Variants in U2SURP observed in about 807,000 individuals in gnomAD.
The protein encoded by U2SURP is U2 snRNP-associated SURP motif-containing protein.
In U2SURP, 9 loss-of-function variants were observed where a neutral mutation model predicts 144.9. The ratio of observed to expected loss-of-function variants is 0.06; its 90% CI spans 0.04 to 0.11. The LOEUF is 0.11. U2SURP is among the 10% of genes least tolerant of loss of function. The probability of loss-of-function intolerance (pLI) is 1.00; values close to 1 mark genes in which losing one functional copy is unlikely to be tolerated. For missense variants in U2SURP, 724 were observed against 1,226.7 expected (o/e 0.59, Z 6.12); for synonymous variants, 408 against 396.8 (o/e 1.03, Z -0.33).
Position 143,001,646 on chromosome 3 carries a change from A to G in U2SURP, c.18A>G (p.Pro6=). The G allele has an allele frequency of 1.2e-6, 2 of 1,614,052 alleles. No individual in the cohort carries two copies. The highest frequency in any genetic ancestry group is 1.7e-6 in the Non-Finnish European group (2 of 1,179,894). MADKT[P]GGSQKASSKT... ...AGCTCAAGATGGCGGACAAAACGCC[A>G]GGCGGATCTCAGAAGGCCAGTTCAA... Residue 6 remains proline, a synonymous_variant, in exon 1 of 28, where the codon CCA becomes CCG. Coordinates refer to ENST00000473835, the MANE Select transcript of U2SURP (RefSeq NM_001080415.2).
Position 143,030,932 on chromosome 3 carries a change from T to C in U2SURP, c.1611-1852T>C, listed in dbSNP as rs562064069. ...AAAAATCCGTTTCAGTTTTTTTGCC[T>C]ATAAAAATCGACATTAACAGGAGCT... On this transcript the variant is annotated intron_variant, in intron 16 of 27. Coordinates refer to ENST00000473835, the MANE Select transcript of U2SURP (RefSeq NM_001080415.2). Among the ~76,000 whole-genome samples, 6 of 152,314 alleles carry C rather than the reference T, an allele frequency of 3.9e-5. No individual in the cohort carries two copies. The East Asian group carries it at 1.2e-3, about 29-fold the overall frequency.
chr3:143,033,928 T>C (rs1461033865), intron 18 of U2SURP, among the ~76,000 whole-genome samples: 1 of 152,246 alleles, frequency 6.6e-6, no homozygotes, highest in Non-Finnish European at 1.5e-5. Context: ...AAGAGAACTT[T>C]ATTGCATATC....
At chr3:143,012,419 T>C in intron 3 of U2SURP, 66 bp downstream of exon 3, 2 of 1,403,788 alleles carry the variant, frequency 1.4e-6, no homozygotes, top group Non-Finnish European at 1.9e-6. Flanking sequence ...TGTCTTTGAC[T>C]GAATTTAGTG....
At chr3:143,021,212 CAG>C (rs751184530) in intron 8 of U2SURP, 136 bp from the exon 9 acceptor site, 100 of 968,636 alleles carry the variant, frequency 1.0e-4, no homozygotes, top group Non-Finnish European at 1.5e-4. Flanking sequence ...ACAACAACAA[CAG>C]AGTTGTGTGA....
intron 26 of U2SURP, among the ~76,000 whole-genome samples, chr3:143,054,502 A>C (rs919405025): frequency 6.6e-6 from 1 of 152,236 alleles, no homozygotes; most frequent in African/African-American, 2.4e-5. Context: ...CAAGAATAGT[A>C]TAATTGATAG....
intron 23 of U2SURP, among the ~76,000 whole-genome samples, chr3:143,040,859 C>G (rs1403316093): frequency 6.6e-6 from 1 of 151,712 alleles, no homozygotes; most frequent in Non-Finnish European, 1.5e-5. Flanking sequence ...GCCATCTAGA[C>G]CCTTTCTGTG....
At chr3:143,047,177 AT>A (rs1337184974) in intron 24 of U2SURP, among the ~76,000 whole-genome samples, 4 of 65,304 alleles carry the variant, frequency 6.1e-5, no homozygotes, top group Admixed American at 1.5e-4. Flanking sequence ...CGGGGGGCTG[AT>A]CCCCCCACCT....
rs1388218428 is a variant in U2SURP, at chr3:143,036,084, A to G, written c.2044A>G (p.Ile682Val). The G allele has an allele frequency of 6.2e-7, 1 of 1,606,644 alleles. No homozygotes were observed. The highest frequency in any genetic ancestry group is 8.5e-7 in the Non-Finnish European group (1 of 1,177,758). ...QNIFLGLVNI[I>V]EEKETEDVPD... ...TATTTTCTTAGGACTTGTAAATATT[A>G]TTGAAGAAAAGGAAACAGAGGTAGG... The change falls in exon 20 of 28, where the codon ATT becomes GTT. Residue 682 changes from isoleucine to valine, a missense_variant. Transcript: ENST00000473835.
rs1215565613 is a variant in U2SURP, at chr3:143,057,515, T to C, written c.*1065T>C. On this transcript the variant is annotated 3_prime_UTR_variant, in exon 28 of 28. Transcript: ENST00000473835. ...GTTTGTAAATTCAAGGTGCAAAAAG[T>C]TGATTTAAACCATTTGCAGAGTTGA... 2.0e-5 allele frequency: 3 copies of C among 152,232 alleles called. No homozygotes were observed. The highest frequency in any genetic ancestry group is 3.9e-4 in the East Asian group (2 of 5,192). The allele number at this position is 152,232 out of a possible 1,614,324, so 9.4% of individuals were successfully genotyped here.
intron 6 of U2SURP, among the ~76,000 whole-genome samples, chr3:143,017,574 GA>G (rs895642019): frequency 1.3e-4 from 19 of 147,016 alleles, no homozygotes; most frequent in African/African-American, 3.0e-4. Flanking sequence ...TAAAAGCAAT[GA>G]AAAAAAAACC....
chr3:143,050,752 A>G (rs560352196), intron 24 of U2SURP, among the ~76,000 whole-genome samples, 187 bp from the exon 25 acceptor site: 3 of 152,326 alleles, frequency 2.0e-5, no homozygotes, highest in Non-Finnish European at 2.9e-5. Flanking sequence ...TCTCATGACC[A>G]GAGAGGGTTC....
intron 24 of U2SURP, 78 bp downstream of exon 24, chr3:143,043,354 T>C (rs1387826147): frequency 6.9e-7 from 1 of 1,441,898 alleles, no homozygotes; most frequent in African/African-American, 1.4e-5. Context: ...CCTCTTTGCA[T>C]TGTACCGTAG....
chr3:143,055,762 G>C (rs1935119856), intron 27 of U2SURP, among the ~76,000 whole-genome samples: 3 of 151,974 alleles, frequency 2.0e-5, no homozygotes, highest in Non-Finnish European at 2.9e-5. Context: ...GTATGTATGT[G>C]TTATATATGT....
At chr3:143,009,338 CTGTAAT>C (rs1366293454) in intron 1 of U2SURP, among the ~76,000 whole-genome samples, 1 of 152,084 alleles carries the variant, frequency 6.6e-6, no homozygotes, top group Non-Finnish European at 1.5e-5. Flanking sequence ...TCGCTCATGT[CTGTAAT>C]CCTAGCACTT....
Position 143,010,808 on chromosome 3 carries a change from C to T in U2SURP, c.46-7C>T. ...AAATTATTGACTTTTATTTTTGATA[C>T]TTGTAGACGAGATCATCAGATGTTC... is the stretch of plus-strand genomic sequence containing the variant. On this transcript the variant is annotated splice_region_variant and splice_polypyrimidine_tract_variant and intron_variant, in intron 1 of 27. Coordinates refer to ENST00000473835, the MANE Select transcript of U2SURP (RefSeq NM_001080415.2). 1 of 1,601,818 alleles carries T rather than the reference C, an allele frequency of 6.2e-7. No individual in the cohort carries two copies. Among genetic ancestry groups the T allele is most frequent in the Non-Finnish European group, 8.5e-7 (1 of 1,172,526 alleles).
chr3:143,032,713 TGTGAGCAAA>T, intron 16 of U2SURP, 62 bp from the exon 17 acceptor site: 1 of 1,365,158 alleles, frequency 7.3e-7, no homozygotes, highest in Non-Finnish European at 1.0e-6. Context: ...GAAATTAGTT[TGTGAGCAAA>T]AGCTACAATG....
chr3:143,009,273 A>G (rs1437479582), intron 1 of U2SURP, among the ~76,000 whole-genome samples: 1 of 152,120 alleles, frequency 6.6e-6, no homozygotes, highest in Non-Finnish European at 1.5e-5. Context: ...GGTGGACACA[A>G]AAGTTGGGGA....
In U2SURP at chr3:143,011,393, A is replaced by C. The variant is rs116021956; in HGVS notation, c.90+534A>C. On this transcript the variant is annotated intron_variant, in intron 2 of 27. Coordinates refer to ENST00000473835, the MANE Select transcript of U2SURP (RefSeq NM_001080415.2). The stretch of plus-strand genomic sequence containing the variant: ...ATATATGTTATTACAGCAGTGTTCA[A>C]AGTGTAGTCTGAAGACCCCTGGAGT... 3.1e-3 allele frequency among the ~76,000 whole-genome samples: 465 copies of C among 152,292 alleles called. 6 individuals carry two copies. The highest frequency in any genetic ancestry group is 0.011 in the African/African-American group (442 of 41,556).
In U2SURP at chr3:143,020,680, T is replaced by G; in HGVS notation, c.720T>G (p.Gly240=). 6.2e-7 allele frequency: 1 copy of G among 1,612,550 alleles called. No individual in the cohort carries two copies. The highest frequency in any genetic ancestry group is 8.5e-7 in the Non-Finnish European group (1 of 1,179,100). Residue 240 remains glycine, a synonymous_variant, in exon 8 of 28, where the codon GGT becomes GGG. Coordinates refer to ENST00000473835, the MANE Select transcript of U2SURP (RefSeq NM_001080415.2). ...AACCTCCTCAGTCAGATTCTGATGG[T>G]CAGCGTCGTTCTAGTAAGTGGCATT... The part of the protein sequence containing the change: ...RFEPPQSDSD[G]QRRSMDAPSR...
Sources: allele counts gnomAD v4.1 joint callset (sites outside exome capture counted in the v4.1 genomes callset), GRCh38; gene constraint gnomAD v4.1.1; transcripts MANE v1.5; gene names NCBI Gene and HGNC (gene_info 2026-07-23, HGNC 2026-07-21).